Variants in GALNT17 observed in about 807,000 individuals in gnomAD.
The protein encoded by GALNT17 is polypeptide N-acetylgalactosaminyltransferase 17, also known as UDP-GalNAc:polypeptide N-acetylgalactosaminyltransferase-like 3.
GALNT17 carries 29 observed loss-of-function variants against 63.7 expected under a neutral mutation model. The observed-to-expected ratio is 0.46, with a 90% CI of 0.34 to 0.62. GALNT17 has a LOEUF of 0.62. GALNT17 is among the 20% of genes least tolerant of loss of function. GALNT17 has a pLI of 0.01. For synonymous variants in GALNT17, 305 were observed against 318.3 expected (o/e 0.96, Z 0.45); for missense variants, 603 against 799.6 (o/e 0.75, Z 2.97).
intron 5 of GALNT17, among the ~76,000 whole-genome samples, chr7:71,552,568 G>A (rs1026087953): frequency 2.0e-5 from 3 of 150,690 alleles, no homozygotes; most frequent in African/African-American, 4.9e-5. Flanking sequence ...AGCCCCCCTC[G>A]TAGCTAGGAC....
intron 2 of GALNT17, among the ~76,000 whole-genome samples, chr7:71,342,562 A>G (rs1792024542): frequency 6.6e-6 from 1 of 152,186 alleles, no homozygotes; most frequent in Non-Finnish European, 1.5e-5. Context: ...TCTCCAATAA[A>G]CAAACTATAC....
At chr7:71,656,163 G>A (rs1004787952) in intron 6 of GALNT17, among the ~76,000 whole-genome samples, 3 of 152,138 alleles carry the variant, frequency 2.0e-5, no homozygotes, top group African/African-American at 7.2e-5. Flanking sequence ...GACACAGTCT[G>A]TCCTCATTGA....
intron 1 of GALNT17, among the ~76,000 whole-genome samples, chr7:71,226,202 A>G (rs557396558): frequency 1.4e-4 from 22 of 152,348 alleles, no homozygotes; most frequent in Admixed American, 2.6e-4. Flanking sequence ...ATTTTGGAAC[A>G]ATGAATGAAG....
At chr7:71,593,692 C>T (rs1789844871) in intron 6 of GALNT17, among the ~76,000 whole-genome samples, 1 of 152,118 alleles carries the variant, frequency 6.6e-6, no homozygotes, top group African/African-American at 2.4e-5. Flanking sequence ...AAGTGGTACC[C>T]GTTTCACTAT....
chr7:71,700,307 A>G (rs954900451), intron 9 of GALNT17, among the ~76,000 whole-genome samples: 12 of 99,668 alleles, frequency 1.2e-4, no homozygotes, highest in Non-Finnish European at 2.4e-4. Flanking sequence ...GACTTTCTCA[A>G]AAAAAAAAAA....
intron 1 of GALNT17, among the ~76,000 whole-genome samples, chr7:71,319,137 T>C (rs1015403166): frequency 6.6e-6 from 1 of 152,052 alleles, no homozygotes; most frequent in East Asian, 1.9e-4. Flanking sequence ...TTTTGTTCTG[T>C]CATGGTAATT....
chr7:71,524,276 A>G (rs1018255713), intron 5 of GALNT17, among the ~76,000 whole-genome samples: 8 of 146,388 alleles, frequency 5.5e-5, no homozygotes, highest in African/African-American at 1.8e-4. Flanking sequence ...ATAATTATAT[A>G]TTATCATATT....
intron 6 of GALNT17, among the ~76,000 whole-genome samples, chr7:71,600,503 TGGTCTGA>T (rs1293845351): frequency 6.6e-6 from 1 of 152,056 alleles, no homozygotes; most frequent in African/African-American, 2.4e-5. Flanking sequence ...CCGTGCCCAG[TGGTCTGA>T]GTGCTCACAG....
intron 5 of GALNT17, among the ~76,000 whole-genome samples, chr7:71,514,209 C>A (rs1187023334): frequency 6.6e-6 from 1 of 151,978 alleles, no homozygotes; most frequent in East Asian, 1.9e-4. Flanking sequence ...AGCAACACCA[C>A]CAACAAAAAA....
intron 10 of GALNT17, among the ~76,000 whole-genome samples, chr7:71,711,767 G>T (rs1197239744): frequency 6.5e-5 from 9 of 137,644 alleles, no homozygotes; most frequent in Non-Finnish European, 9.2e-5. Context: ...TTGTCTCTTT[G>T]TCTCGTTCTC....
chr7:71,368,459 C>T (rs1404603738), intron 2 of GALNT17, among the ~76,000 whole-genome samples: 1 of 152,122 alleles, frequency 6.6e-6, no homozygotes, highest in African/African-American at 2.4e-5. Flanking sequence ...CAGGCCCTCA[C>T]CTGGAAATTA....
At chr7:71,157,455 C>G (rs186370187) in intron 1 of GALNT17, among the ~76,000 whole-genome samples, 1 of 151,684 alleles carries the variant, frequency 6.6e-6, no homozygotes, top group Non-Finnish European at 1.5e-5. Flanking sequence ...GTCGGGAGTT[C>G]GAGACCAGCC....
At chr7:71,272,291 C>G (rs991157798) in intron 1 of GALNT17, among the ~76,000 whole-genome samples, 28 of 152,168 alleles carry the variant, frequency 1.8e-4, no homozygotes, top group African/African-American at 6.3e-4. Context: ...ATTAAACATT[C>G]ATATACAGTC....
rs181008935 is a variant in GALNT17, at chr7:71,510,259, A to G, written c.963-61026A>G. On this transcript the variant is annotated intron_variant, in intron 5 of 10. Transcript: ENST00000333538. ...ACTGCACCTGGCCCCTGAAATGTAAAATGTAATGGCTTTTAGAATATTCAC... is the reference window on the plus strand; with the variant it reads ...ACTGCACCTGGCCCCTGAAATGTAAGATGTAATGGCTTTTAGAATATTCAC... Among the ~76,000 whole-genome samples, 18 of 152,274 alleles carry G rather than the reference A, an allele frequency of 1.2e-4. No individual in the cohort carries two copies. In the East Asian group the frequency reaches 3.5e-3, roughly 29 times the overall value.
intron 2 of GALNT17, among the ~76,000 whole-genome samples, chr7:71,386,000 G>A (rs775336900): frequency 2.5e-4 from 38 of 152,262 alleles, no homozygotes; most frequent in Middle Eastern, 3.4e-3. Context: ...CCAGGAGTTC[G>A]AGACCAGCCT....
chr7:71,456,724 C>T (rs1787363415), intron 5 of GALNT17, among the ~76,000 whole-genome samples: 1 of 151,958 alleles, frequency 6.6e-6, no homozygotes, highest in Non-Finnish European at 1.5e-5. Flanking sequence ...CATTCTTGAA[C>T]CCAAAATATC....
chr7:71,632,087 T>TA (rs979544441), intron 6 of GALNT17, among the ~76,000 whole-genome samples: 90 of 131,778 alleles, frequency 6.8e-4, no homozygotes, highest in Non-Finnish European at 1.1e-3. Flanking sequence ...ATGTTTAGTC[T>TA]AAAAAAAAAA....
intron 1 of GALNT17, among the ~76,000 whole-genome samples, chr7:71,250,340 A>C (rs1790174724): frequency 1.3e-5 from 2 of 152,310 alleles, no homozygotes; most frequent in East Asian, 1.9e-4. Context: ...GCCCTTCTTA[A>C]GTTTTTTGAC....
chr7:71,685,038 C>T (rs535020208), intron 9 of GALNT17, among the ~76,000 whole-genome samples: 7 of 152,090 alleles, frequency 4.6e-5, no homozygotes, highest in South Asian at 2.1e-4. Flanking sequence ...AGCTGTCAAA[C>T]GAATGTCCCA....
Sources: allele counts gnomAD v4.1 joint callset (sites outside exome capture counted in the v4.1 genomes callset), GRCh38; gene constraint gnomAD v4.1.1; transcripts MANE v1.5; gene names NCBI Gene and HGNC (gene_info 2026-07-23, HGNC 2026-07-21).